Variants in PPP4R3B observed in about 807,000 individuals in gnomAD.
PPP4R3B encodes protein phosphatase 4 regulatory subunit 3B.
PPP4R3B carries 52 observed loss-of-function variants against 95.4 expected under a neutral mutation model. The observed-to-expected ratio is 0.54, with a 90% CI of 0.44 to 0.69. The LOEUF is 0.69. PPP4R3B is among the 30% of genes least tolerant of loss of function. The pLI is 0.00. For missense variants in PPP4R3B, 1,003 were observed against 1,005.9 expected, an observed-to-expected ratio of 1.00 and a Z score of 0.04; for synonymous variants, 407 against 343.9, an observed-to-expected ratio of 1.18 and a Z score of -2.03.
Position 55,559,009 on chromosome 2 carries a change from C to A in PPP4R3B, c.2261-41G>T, listed in dbSNP as rs923397711. On this transcript the variant is annotated intron_variant, in intron 15 of 16. Coordinates refer to ENST00000616407, the MANE Select transcript of PPP4R3B (RefSeq NM_001122964.3). ...AATTTTGAACGTATATCAATAAATA[C>A]TGCTAAGTCAAAACATCTAAAAACA... 2.7e-6 allele frequency: 4 copies of A among 1,482,002 alleles called. No homozygotes were observed. In the African/African-American group the frequency reaches 4.2e-5, roughly 16 times the overall value. 91.8% of individuals were successfully genotyped at this position (1,482,002 alleles called of 1,614,324 possible). A position where few individuals can be genotyped will look rare whatever the true frequency, so the allele number is the denominator to read the frequency against.
intron 4 of PPP4R3B, among the ~76,000 whole-genome samples, 176 bp from the exon 5 acceptor site, chr2:55,589,132 A>G (rs1344935859): frequency 6.6e-6 from 1 of 151,890 alleles, no homozygotes; most frequent in Non-Finnish European, 1.5e-5. Context: ...ACACCATTCA[A>G]TTCTTGTTAT....
At chr2:55,555,023 G>A (rs373706661) in intron 16 of PPP4R3B, among the ~76,000 whole-genome samples, 1 of 152,166 alleles carries the variant, frequency 6.6e-6, no homozygotes, top group African/African-American at 2.4e-5. Flanking sequence ...GCTCACGCCT[G>A]TAATCCCAAC....
At position 55,588,830 on chromosome 2, in the gene PPP4R3B, C is replaced by T. The variant is rs573459133; in HGVS notation, c.999+49G>A. 17 of 1,243,130 alleles carry T rather than the reference C, an allele frequency of 1.4e-5. No individual in the cohort carries two copies. The South Asian group carries it at 2.1e-4, about 15-fold the overall frequency. The allele number at this position is 1,243,130 out of a possible 1,614,324, so 77.0% of individuals were successfully genotyped here. On this transcript the variant is annotated intron_variant, in intron 5 of 16. Transcript: ENST00000616407. ...AGCAAATTCAAGATTAAAAGCTGTG[C>T]ATGCCAAAAGAATAAGTGCTCTTTA...
rs532109235 is a variant in PPP4R3B, at chr2:55,548,040, T to C, written c.*1871A>G. ...ATTCAAAGAAAGTGGATGGGAACTTTACTGATCTTAGTTTAAAATATCCTG... is the reference window on the plus strand; with the variant it reads ...ATTCAAAGAAAGTGGATGGGAACTTCACTGATCTTAGTTTAAAATATCCTG... On this transcript the variant is annotated 3_prime_UTR_variant, in exon 17 of 17. Coordinates refer to ENST00000616407, the MANE Select transcript of PPP4R3B (RefSeq NM_001122964.3). 1 of 152,344 alleles carries C rather than the reference T, an allele frequency of 6.6e-6. No homozygotes were observed. Among genetic ancestry groups the C allele is most frequent in the South Asian group, 2.1e-4 (1 of 4,832 alleles). 9.4% of individuals were successfully genotyped at this position (152,344 alleles called of 1,614,324 possible). A position where few individuals can be genotyped will look rare whatever the true frequency, so the allele number is the denominator to read the frequency against.
At position 55,548,966 on chromosome 2, in the gene PPP4R3B, T is replaced by C. The variant is rs1428995277; in HGVS notation, c.*945A>G. 1 of 152,660 alleles carries C rather than the reference T, an allele frequency of 6.6e-6. No individual in the cohort carries two copies. Among genetic ancestry groups the C allele is most frequent in the African/African-American group, 2.4e-5 (1 of 41,454 alleles). The allele number at this position is 152,660 out of a possible 1,614,324, so 9.5% of individuals were successfully genotyped here. On this transcript the variant is annotated 3_prime_UTR_variant, in exon 17 of 17. Coordinates refer to ENST00000616407, the MANE Select transcript of PPP4R3B (RefSeq NM_001122964.3). The stretch of plus-strand genomic sequence containing the variant: ...CTGACTTTGACACTTAAGTAGCTTC[T>C]TGGATCAAAATGGCTTCTAGATACT...
At chr2:55,553,383 CAACT>C (rs935816235) in intron 16 of PPP4R3B, among the ~76,000 whole-genome samples, 7 of 152,114 alleles carry the variant, frequency 4.6e-5, no homozygotes, top group Non-Finnish European at 7.4e-5. Flanking sequence ...GAACTACAAA[CAACT>C]AACACCTCCC....
intron 11 of PPP4R3B, among the ~76,000 whole-genome samples, chr2:55,576,789 T>C (rs1271557006): frequency 6.6e-6 from 1 of 152,242 alleles, no homozygotes; most frequent in Non-Finnish European, 1.5e-5. Flanking sequence ...AAATTACTTG[T>C]ATCTCTAAAT....
intron 3 of PPP4R3B, among the ~76,000 whole-genome samples, chr2:55,602,439 T>C (rs777050410): frequency 6.6e-6 from 1 of 152,182 alleles, no homozygotes. Flanking sequence ...TTCATAATAA[T>C]GTTTACCTGG....
chr2:55,613,878 G>C (rs1694537024), intron 2 of PPP4R3B, among the ~76,000 whole-genome samples: 1 of 151,738 alleles, frequency 6.6e-6, no homozygotes, highest in Non-Finnish European at 1.5e-5. Flanking sequence ...AACTAAAAGT[G>C]ATCATCTGGT....
At chr2:55,599,951 C>T (rs1441058283) in intron 3 of PPP4R3B, among the ~76,000 whole-genome samples, 1 of 152,182 alleles carries the variant, frequency 6.6e-6, no homozygotes, top group African/African-American at 2.4e-5. Flanking sequence ...CTAAGGTTAA[C>T]ATTTCCATAT....
chr2:55,579,608 C>A, intron 9 of PPP4R3B, 71 bp downstream of exon 9: 1 of 1,031,500 alleles, frequency 9.7e-7, no homozygotes, highest in Non-Finnish European at 1.4e-6. Flanking sequence ...AGTAAATTGC[C>A]TGTTAGTTTA....
intron 3 of PPP4R3B, among the ~76,000 whole-genome samples, chr2:55,601,504 C>T (rs575643664): frequency 1.3e-5 from 2 of 152,080 alleles, no homozygotes; most frequent in East Asian, 3.9e-4. Flanking sequence ...CCTCAGCCTC[C>T]CAAGTAGCTG....
At chr2:55,556,093 G>T (rs145112585) in intron 16 of PPP4R3B, among the ~76,000 whole-genome samples, 62 of 152,264 alleles carry the variant, frequency 4.1e-4, no homozygotes, top group Non-Finnish European at 7.8e-4. Context: ...AAACCAAAGG[G>T]CAATTGGTGA....
At chr2:55,579,379 T>C (rs1171793938) in intron 9 of PPP4R3B, among the ~76,000 whole-genome samples, 1 of 142,018 alleles carries the variant, frequency 7.0e-6, no homozygotes, top group East Asian at 2.1e-4. Flanking sequence ...ATCAATTCCT[T>C]AGTGTGTAAT....
rs1271849472 is a variant in PPP4R3B, at chr2:55,586,633, A to C, written c.1101T>G (p.Ala367=). 6.3e-7 allele frequency: 1 copy of C among 1,599,426 alleles called. No homozygotes were observed. Residue 367 remains alanine, a synonymous_variant, in exon 6 of 17, where the codon GCT becomes GCG. Coordinates refer to ENST00000616407, the MANE Select transcript of PPP4R3B (RefSeq NM_001122964.3). The part of the protein sequence containing the change: ...KTLAKLGILP[A]LEIVMGMDDL... ...GCATAATTACCATTACAATTTCAAG[A>C]GCAGGAAGAATTCCCAATTTTGCCA... is the stretch of plus-strand genomic sequence containing the variant.
At chr2:55,596,763 G>C (rs990547578) in intron 4 of PPP4R3B, among the ~76,000 whole-genome samples, 7 of 152,182 alleles carry the variant, frequency 4.6e-5, no homozygotes, top group Non-Finnish European at 1.0e-4. Flanking sequence ...AGGAGTTTGA[G>C]ACCAGCCTGG....
chr2:55,577,169 T>C (rs948677023), intron 11 of PPP4R3B, 146 bp downstream of exon 11: 16 of 981,350 alleles, frequency 1.6e-5, no homozygotes, highest in East Asian at 7.3e-5. Context: ...ATATTGGAGA[T>C]AGTGGAATTA....
At chr2:55,594,297 T>TAAAAA (rs1485609247) in intron 4 of PPP4R3B, among the ~76,000 whole-genome samples, 1 of 66,940 alleles carries the variant, frequency 1.5e-5, no homozygotes. Flanking sequence ...CCTCTGAATC[T>TAAAAA]AAAATAAAAA....
At chr2:55,599,814 GAAGAT>G (rs70954135) in intron 3 of PPP4R3B, among the ~76,000 whole-genome samples, 17,586 of 152,058 alleles carry the variant, frequency 0.12, 1,207 homozygotes, top group East Asian at 0.24. Context: ...TTAAGTCTCA[GAAGAT>G]AAGAGGCTTC....
Sources: gnomAD v4.1 joint callset for allele counts (sites outside exome capture counted in the v4.1 genomes callset) on GRCh38, gnomAD v4.1.1 for gene constraint, MANE v1.5 for transcripts, NCBI Gene and HGNC (gene_info 2026-07-23, HGNC 2026-07-21) for gene names.